Variants in RELN observed in about 807,000 individuals in gnomAD.
The protein encoded by RELN is reelin.
In RELN, 108 loss-of-function variants were observed where a neutral mutation model predicts 427.6. The ratio of observed to expected loss-of-function variants is 0.25; its 90% CI spans 0.22 to 0.30. The LOEUF (loss-of-function observed/expected upper bound fraction) is 0.30. Among genes scored for constraint, RELN ranks in the 10% least tolerant of loss-of-function variants. The pLI, the probability that RELN is intolerant of heterozygous loss-of-function variation, is 1.00. For missense variants in RELN, 3,715 were observed against 4,302.8 expected, an observed-to-expected ratio of 0.86 and a Z score of 3.82; for synonymous variants, 1,524 against 1,513.4, an observed-to-expected ratio of 1.01 and a Z score of -0.16.
At chr7:103,941,480 T>C (rs78875122) in intron 1 of RELN, among the ~76,000 whole-genome samples, 3,547 of 152,292 alleles carry the variant, frequency 0.023, 134 homozygotes, top group African/African-American at 0.08. Context: ...ATTTGGAATA[T>C]CTATTTTATT....
chr7:103,685,820 A>G (rs1002005128), intron 10 of RELN, among the ~76,000 whole-genome samples: 2 of 152,132 alleles, frequency 1.3e-5, no homozygotes, highest in Non-Finnish European at 2.9e-5. Context: ...CAGAGTAACT[A>G]AGTGACAAGA....
intron 3 of RELN, among the ~76,000 whole-genome samples, chr7:103,798,875 C>G (rs1450732955): frequency 1.3e-5 from 2 of 152,192 alleles, no homozygotes; most frequent in African/African-American, 2.4e-5. Context: ...AACCAGCCTT[C>G]CTCCCGCTTC....
intron 10 of RELN, among the ~76,000 whole-genome samples, chr7:103,695,873 C>T (rs1472802495): frequency 6.6e-6 from 1 of 152,100 alleles, no homozygotes; most frequent in East Asian, 1.9e-4. Flanking sequence ...TTGAAGGAGC[C>T]ATGACTTCAG....
intron 1 of RELN, among the ~76,000 whole-genome samples, chr7:103,967,816 GT>G (rs1397646237): frequency 2.0e-5 from 3 of 152,052 alleles, no homozygotes; most frequent in African/African-American, 7.2e-5. Flanking sequence ...CTCCTTTCCT[GT>G]CAAAATTTCA....
At chr7:103,587,699 A>C (rs975053552) in intron 28 of RELN, among the ~76,000 whole-genome samples, 1 of 152,124 alleles carries the variant, frequency 6.6e-6, no homozygotes, top group Non-Finnish European at 1.5e-5. Flanking sequence ...TAAATAAATA[A>C]AATTAAAAGG....
intron 34 of RELN, 111 bp from the exon 35 acceptor site, chr7:103,562,064 G>T: frequency 1.6e-6 from 2 of 1,281,886 alleles, no homozygotes; most frequent in Non-Finnish European, 2.2e-6. Flanking sequence ...TTCCTCCAGG[G>T]TCCAGTTCTC....
chr7:103,839,406 A>C (rs902790177), intron 2 of RELN, among the ~76,000 whole-genome samples: 16 of 150,776 alleles, frequency 1.1e-4, no homozygotes, highest in African/African-American at 3.9e-4. Flanking sequence ...CTAGAGTTGC[A>C]ACTATTAGAA....
chr7:103,861,388 CA>C (rs1387396422), intron 2 of RELN, among the ~76,000 whole-genome samples: 1 of 152,030 alleles, frequency 6.6e-6, no homozygotes, highest in East Asian at 1.9e-4. Flanking sequence ...GGTGGGACTT[CA>C]AAAAGCCTAA....
chr7:103,734,158 C>G (rs957781835), intron 6 of RELN, among the ~76,000 whole-genome samples: 4 of 152,150 alleles, frequency 2.6e-5, no homozygotes, highest in African/African-American at 4.8e-5. Context: ...ATGTTTTCCA[C>G]TTTCTCATGT....
In RELN at chr7:103,557,049, T is replaced by C; in HGVS notation, c.5725A>G (p.Ile1909Val). ...GCAGTGTATGGCAAGGGAACATTGA[T>C]GAAAAGTATATTCGTTGTTTGAGGA... ...YFPQTTNILF[I>V]NVPLPYTAQT... The change falls in exon 38 of 65, where the codon ATC becomes GTC. Residue 1909 changes from isoleucine to valine, a missense_variant. By Grantham distance (29) the Ile-to-Val change is conservative. Around this residue, in one of 4 missense-constraint regions of RELN, gnomAD observed 2,208 missense variants for 2,361.7 expected, o/e 0.93. Coordinates refer to ENST00000428762, the MANE Select transcript of RELN (RefSeq NM_005045.4). The C allele has an allele frequency of 6.2e-7, 1 of 1,613,872 alleles. No individual in the cohort carries two copies. The highest frequency in any genetic ancestry group is 1.1e-5 in the South Asian group (1 of 91,072).
Position 103,989,647 on chromosome 7 carries a change from G to C in RELN, c.-291C>G, listed in dbSNP as rs1192922122. ...CCGCCGCCTCTGCGCGACGCCCCTC[G>C]GCCAGGCCTGGGAAAGCGCCCGCCC... On this transcript the variant is annotated 5_prime_UTR_variant, in exon 1 of 65. Coordinates refer to ENST00000428762, the MANE Select transcript of RELN (RefSeq NM_005045.4). This position sits in a 1 kb window ranked among gnomAD's most constrained non-coding sequence, Gnocchi z 4.9. 6.5e-6 allele frequency: 2 copies of C among 310,048 alleles called. No homozygotes were observed. The highest frequency in any genetic ancestry group is 1.1e-5 in the Non-Finnish European group (2 of 174,754). 19.2% of individuals were successfully genotyped at this position (310,048 alleles called of 1,614,324 possible).
At chr7:103,791,635 G>A (rs963115054) in intron 3 of RELN, among the ~76,000 whole-genome samples, 5 of 152,002 alleles carry the variant, frequency 3.3e-5, no homozygotes, top group Admixed American at 1.3e-4. Context: ...AACTCTTAAA[G>A]GAAAACATAG....
intron 50 of RELN, chr7:103,513,328 A>G (rs1181385991): frequency 6.6e-6 from 1 of 152,222 alleles, no homozygotes; most frequent in African/African-American, 2.4e-5. Flanking sequence ...CTTCAACTGT[A>G]TATCGCTAAT....
At chr7:103,511,303 TG>T (rs2117063439) in intron 50 of RELN, among the ~76,000 whole-genome samples, 1 of 152,322 alleles carries the variant, frequency 6.6e-6, no homozygotes, top group East Asian at 1.9e-4. Flanking sequence ...ACTAATTTTT[TG>T]ACAGATATTT....
At chr7:103,633,723 G>T (rs956463444) in intron 19 of RELN, among the ~76,000 whole-genome samples, 1 of 152,088 alleles carries the variant, frequency 6.6e-6, no homozygotes, top group Non-Finnish European at 1.5e-5. Flanking sequence ...TCATGATATA[G>T]ATTGATTACT....
intron 1 of RELN, among the ~76,000 whole-genome samples, chr7:103,944,846 C>T (rs1007898987): frequency 6.6e-6 from 1 of 152,034 alleles, no homozygotes; most frequent in African/African-American, 2.4e-5. Context: ...TTGATATGGC[C>T]CCAGGCTGTT....
intron 3 of RELN, among the ~76,000 whole-genome samples, 186 bp from the exon 4 acceptor site, chr7:103,776,813 G>A (rs1278172054): frequency 1.3e-5 from 2 of 152,190 alleles, no homozygotes; most frequent in Non-Finnish European, 2.9e-5. Context: ...CCTGGGTTGA[G>A]GACTGTCTTC....
intron 1 of RELN, among the ~76,000 whole-genome samples, chr7:103,945,398 T>A (rs146516335): frequency 1.5e-4 from 23 of 152,292 alleles, no homozygotes; most frequent in Non-Finnish European, 2.6e-4. Flanking sequence ...CCTAATCTGT[T>A]AAGAAAACCA....
At chr7:103,496,366 A>G (rs1050069071) in intron 56 of RELN, among the ~76,000 whole-genome samples, 160 bp downstream of exon 56, 2 of 152,224 alleles carry the variant, frequency 1.3e-5, no homozygotes, top group Non-Finnish European at 2.9e-5. Context: ...GCCAACTTTG[A>G]AGATTTATAA....
Sources: allele counts gnomAD v4.1 joint callset (sites outside exome capture counted in the v4.1 genomes callset), GRCh38; gene constraint gnomAD v4.1.1; regional missense constraint gnomAD v4.1.1; non-coding constraint Gnocchi (gnomAD v3.1); transcripts MANE v1.5; gene names NCBI Gene and HGNC (gene_info 2026-07-23, HGNC 2026-07-21).